Variants in ARHGAP23 observed in about 807,000 individuals in gnomAD.
ARHGAP23 encodes rho GTPase-activating protein 23.
Under a neutral mutation model 136.3 loss-of-function variants are expected in ARHGAP23, and 34 were observed. The ratio of observed to expected loss-of-function variants is 0.25; its 90% CI spans 0.19 to 0.33. The LOEUF (loss-of-function observed/expected upper bound fraction) is 0.33. Among genes scored for constraint, ARHGAP23 ranks in the 10% least tolerant of loss-of-function variants. The pLI is 1.00. For synonymous variants in ARHGAP23, 832 were observed against 920.5 expected, an observed-to-expected ratio of 0.90 and a Z score of 1.74; for missense variants, 1,808 against 2,139.0, an observed-to-expected ratio of 0.85 and a Z score of 3.05.
chr17:38,484,367 A>G (rs544066799), intron 16 of ARHGAP23, among the ~76,000 whole-genome samples: 116 of 152,180 alleles, frequency 7.6e-4, no homozygotes, highest in African/African-American at 2.7e-3. Flanking sequence ...GAGTGGCTCC[A>G]TTGGATTTGG....
intron 20 of ARHGAP23, 104 bp downstream of exon 20, chr17:38,491,636 G>A: frequency 6.8e-7 from 1 of 1,473,688 alleles, no homozygotes; most frequent in Non-Finnish European, 9.2e-7. Flanking sequence ...CCCCAGGAAG[G>A]GCTCGGCAGC....
chr17:38,469,935 G>A (rs2039707802), intron 10 of ARHGAP23, 31 bp downstream of exon 10: 1 of 1,550,878 alleles, frequency 6.4e-7, no homozygotes, highest in Non-Finnish European at 8.7e-7. Flanking sequence ...TGCGTGCGCA[G>A]GAGCGAGGGT....
intron 1 of ARHGAP23, chr17:38,457,872 T>A: frequency 1.7e-6 from 1 of 593,826 alleles, no homozygotes; most frequent in Non-Finnish European, 3.0e-6. Context: ...GCAAAGACAT[T>A]ATGAGGGGAC....
Position 38,510,959 on chromosome 17 carries a change from A to G in ARHGAP23, c.4463A>G (p.His1488Arg). The G allele has an allele frequency of 1.4e-6, 2 of 1,454,622 alleles. No individual in the cohort carries two copies. Among genetic ancestry groups the G allele is most frequent in the Non-Finnish European group, 9.0e-7 (1 of 1,115,698 alleles). The allele number at this position is 1,454,622 out of a possible 1,614,324, so 90.1% of individuals were successfully genotyped here. A position where few individuals can be genotyped will look rare whatever the true frequency, so the allele number is the denominator to read the frequency against. ...PPRRSAASRL[H>R]QCL ...CGCCGCTCGGCCGCCTCCCGCCTGC[A>G]TCAGTGTCTGTGATCCCCACCTCCC... The change falls in exon 24 of 24, where the codon CAT becomes CGT. Residue 1488 changes from histidine (H) to arginine (R), a missense_variant. Physicochemically the swap from His to Arg is conservative, Grantham distance 29. Coordinates refer to ENST00000622683, the MANE Select transcript of ARHGAP23 (RefSeq NM_001199417.2). This position sits in a 1 kb window ranked among gnomAD's most constrained non-coding sequence, Gnocchi z 4.6.
intron 9 of ARHGAP23, 40 bp downstream of exon 9, chr17:38,469,675 C>G: frequency 6.5e-7 from 1 of 1,536,880 alleles, no homozygotes; most frequent in Non-Finnish European, 8.8e-7. Flanking sequence ...TGGCCACAGC[C>G]ACCGTGGCCA....
At chr17:38,427,388 C>A (rs976255986), upstream of ARHGAP23, among the ~76,000 whole-genome samples, 1 of 151,850 alleles carries the variant, frequency 6.6e-6, no homozygotes, top group African/African-American at 2.4e-5. Flanking sequence ...TCACTTGAAC[C>A]TGGGGGCAGA....
At position 38,510,674 on chromosome 17, in the gene ARHGAP23, C is replaced by G; in HGVS notation, c.4178C>G (p.Ser1393Trp). ...MLAVRLRRPL[S>W]PETRRRRSSW... is the part of the protein sequence containing the mutation. Reference sequence around the variant, plus strand: ...GCCGTGCGCCTGCGGCGGCCGCTGTCGCCCGAGACCCGGCGGCGCCGGAGC... The same window carrying G: ...GCCGTGCGCCTGCGGCGGCCGCTGTGGCCCGAGACCCGGCGGCGCCGGAGC... Residue 1393 changes from serine to tryptophan, a missense_variant, in exon 24 of 24, where the codon TCG (serine) becomes TGG (tryptophan). Around this residue, in one of 7 missense-constraint regions of ARHGAP23, gnomAD observed 506 missense variants for 455.8 expected, o/e 1.11. Coordinates refer to ENST00000622683, the MANE Select transcript of ARHGAP23 (RefSeq NM_001199417.2). The surrounding 1 kb of genome is among the most constrained non-coding windows in gnomAD (Gnocchi z 4.6). 7.1e-7 allele frequency: 1 copy of G among 1,400,946 alleles called. No homozygotes were observed. Among genetic ancestry groups the G allele is most frequent in the Non-Finnish European group, 9.2e-7 (1 of 1,086,074 alleles). The allele number at this position is 1,400,946 out of a possible 1,614,324, so 86.8% of individuals were successfully genotyped here. A position where few individuals can be genotyped will look rare whatever the true frequency, so the allele number is the denominator to read the frequency against.
At chr17:38,498,035 C>T (rs2040431345) in intron 21 of ARHGAP23, among the ~76,000 whole-genome samples, 1 of 151,926 alleles carries the variant, frequency 6.6e-6, no homozygotes. Context: ...AATCCCCAGT[C>T]GAAATGGGGG....
At chr17:38,430,739 A>G (rs192761007) in intron 1 of ARHGAP23, among the ~76,000 whole-genome samples, 353 of 152,288 alleles carry the variant, frequency 2.3e-3, no homozygotes, top group Middle Eastern at 3.4e-3. Context: ...GGTCAAGTGG[A>G]TTCTTGTGAA....
At chr17:38,439,819 G>A (rs951034220) in intron 1 of ARHGAP23, among the ~76,000 whole-genome samples, 1 of 151,700 alleles carries the variant, frequency 6.6e-6, no homozygotes. Flanking sequence ...CTGTCACCCA[G>A]GCTGGAGTGC....
intron 1 of ARHGAP23, among the ~76,000 whole-genome samples, chr17:38,420,076 C>G (rs1394579937): frequency 6.6e-6 from 1 of 152,176 alleles, no homozygotes; most frequent in African/African-American, 2.4e-5. Flanking sequence ...CACACAGGCT[C>G]CATCAGAATA....
intron 1 of ARHGAP23, among the ~76,000 whole-genome samples, chr17:38,439,176 TA>T (rs1157657817): frequency 3.7e-3 from 507 of 137,606 alleles, no homozygotes; most frequent in Middle Eastern, 7.4e-3. Context: ...AGACTCTGTC[TA>T]AAAAAAAAAA....
Position 38,477,887 on chromosome 17 carries a change from C to G in ARHGAP23, c.2427C>G (p.Ala809=). The change falls in exon 12 of 24, where the codon GCC becomes GCG. Residue 809 remains alanine, a synonymous_variant. Coordinates refer to ENST00000622683, the MANE Select transcript of ARHGAP23 (RefSeq NM_001199417.2). This position sits in a 1 kb window ranked among gnomAD's most constrained non-coding sequence, Gnocchi z 6.6. ...WIRAIRENSR[A]EGEDPGCANQ... is the part of the protein sequence containing the mutation. The stretch of plus-strand genomic sequence containing the variant: ...GAGCGATCCGGGAGAACAGCAGGGC[C>G]GAGGGCGAGGTGAGGGCCCGGCCAG... 6.5e-7 allele frequency: 1 copy of G among 1,547,896 alleles called. No homozygotes were observed. The highest frequency in any genetic ancestry group is 8.7e-7 in the Non-Finnish European group (1 of 1,146,352).
chr17:38,490,590 C>T (rs772986402), intron 19 of ARHGAP23, 39 bp downstream of exon 19: 39 of 1,442,832 alleles, frequency 2.7e-5, no homozygotes, highest in Non-Finnish European at 3.6e-5. Context: ...GGGAGGCAAG[C>T]ACGGACTTAC....
intron 1 of ARHGAP23, among the ~76,000 whole-genome samples, chr17:38,429,614 G>A (rs913659026): frequency 6.6e-6 from 1 of 152,028 alleles, no homozygotes; most frequent in Non-Finnish European, 1.5e-5. Flanking sequence ...TTGGTTGCTG[G>A]ATGTGTGTTC....
rs78331457 is a variant in ARHGAP23, at chr17:38,466,760, C to G, written c.1077C>G (p.Thr359=). ...CAGATGACTACTTGAGCCGGGCCAC[C>G]CGTTCTGCCGAGGCACTGGGGCCAG... ...ARSDDYLSRA[T]RSAEALGPGA... Residue 359 remains threonine (T), a synonymous_variant, in exon 7 of 24, where the codon ACC becomes ACG. Coordinates refer to ENST00000622683, the MANE Select transcript of ARHGAP23 (RefSeq NM_001199417.2). 1,435 of 1,548,752 alleles carry G rather than the reference C, an allele frequency of 9.3e-4. 15 individuals are homozygous for G. The African/African-American group carries it at 0.018, about 19-fold the overall frequency.
chr17:38,455,753 AC>A (rs2039309455), intron 1 of ARHGAP23, among the ~76,000 whole-genome samples: 2 of 151,926 alleles, frequency 1.3e-5, no homozygotes, highest in African/African-American at 2.4e-5. Flanking sequence ...TGGTGAGGGG[AC>A]CCCCAGACCC....
chr17:38,483,378 A>G (rs975006472), intron 16 of ARHGAP23, among the ~76,000 whole-genome samples: 1 of 152,226 alleles, frequency 6.6e-6, no homozygotes, highest in Non-Finnish European at 1.5e-5. Flanking sequence ...CTGCAATCAC[A>G]CTTAAGTGTT....
At chr17:38,468,554 A>G (rs568255356) in intron 7 of ARHGAP23, among the ~76,000 whole-genome samples, 1 of 152,086 alleles carries the variant, frequency 6.6e-6, no homozygotes, top group East Asian at 1.9e-4. Context: ...GGGCAGGGGG[A>G]AGACACAGCC....
Sources: allele counts gnomAD v4.1 joint callset (sites outside exome capture counted in the v4.1 genomes callset), GRCh38; gene constraint gnomAD v4.1.1; regional missense constraint gnomAD v4.1.1; non-coding constraint Gnocchi (gnomAD v3.1); transcripts MANE v1.5; gene names NCBI Gene and HGNC (gene_info 2026-07-23, HGNC 2026-07-21).